The following CDK11B variants were observed in gnomAD, a reference collection of about 807,000 sequenced individuals.
CDK11B encodes the protein cyclin dependent kinase 11B.
A neutral mutation model predicts 84.0 loss-of-function variants in CDK11B; 37 were observed. That is an observed-to-expected ratio of 0.44 (90% confidence interval 0.34 to 0.58). The LOEUF is 0.58. Among genes scored for constraint, CDK11B ranks in the 20% least tolerant of loss-of-function variants. The pLI is 0.02. For missense variants in CDK11B, 427 were observed against 834.0 expected (o/e 0.51, Z 6.01); for synonymous variants, 269 against 309.8 (o/e 0.87, Z 1.38).
At chr1:1,639,193 G>A (rs944370296) in intron 11 of CDK11B, among the ~76,000 whole-genome samples, 4 of 151,630 alleles carry the variant, frequency 2.6e-5, no homozygotes, top group African/African-American at 7.3e-5. Context: ...CCACCGCCTC[G>A]GCCTCCAAAA....
In CDK11B at chr1:1,636,399, G is replaced by C. The variant is rs771754680; in HGVS notation, c.2000C>G (p.Pro667Arg). Residue 667 changes from proline (P) to arginine (R), a missense_variant, in exon 18 of 20, where the codon CCC (proline) becomes CGC (arginine). Pro to Arg is a moderately radical substitution (Grantham distance 103). This residue lies in a region of CDK11B where 170 missense variants were observed against 196.0 expected (regional missense o/e 0.87). Coordinates refer to ENST00000341832, the MANE Select transcript of CDK11B (RefSeq NM_033486.3). ...GAAGCGCTTGCGGAGGTTGTTGTAG[G>C]GGTGCTCGCTGAAGGTCATCTTCTT... ...AVKKMTFSEHPYNNLRKRFGA... is the reference protein window; with the variant it reads ...AVKKMTFSEHRYNNLRKRFGA... 6.2e-7 allele frequency: 1 copy of C among 1,610,800 alleles called. No homozygotes were observed. Among genetic ancestry groups the C allele is most frequent in the South Asian group, 1.1e-5 (1 of 90,526 alleles).
intron 3 of CDK11B, among the ~76,000 whole-genome samples, chr1:1,654,405 G>A (rs185824561): frequency 3.3e-5 from 5 of 152,226 alleles, no homozygotes; most frequent in East Asian, 3.9e-4. Flanking sequence ...ACCATGAGGG[G>A]CACCTGCTAT....
intron 18 of CDK11B, 45 bp downstream of exon 18, chr1:1,636,288 C>T (rs1325831468): frequency 1.8e-5 from 28 of 1,525,848 alleles, no homozygotes; most frequent in African/African-American, 1.8e-4. Context: ...GGGAAGTCAC[C>T]GCTATGGCTC....
At chr1:1,639,774 C>T (rs1639979799) in intron 11 of CDK11B, among the ~76,000 whole-genome samples, 1 of 152,212 alleles carries the variant, frequency 6.6e-6, no homozygotes, top group African/African-American at 2.4e-5. Context: ...GGCACCTTCT[C>T]AGGCTTGTCC....
chr1:1,636,839 C>T (rs746070299), intron 16 of CDK11B, 41 bp from the exon 17 acceptor site: 23 of 1,613,036 alleles, frequency 1.4e-5, no homozygotes, highest in African/African-American at 9.3e-5. Context: ...CCAGTGCCCG[C>T]GAAGCTGTGG....
intron 3 of CDK11B, 60 bp downstream of exon 3, chr1:1,655,309 A>T: frequency 6.4e-7 from 1 of 1,570,966 alleles, no homozygotes; most frequent in Non-Finnish European, 8.7e-7. Context: ...GACCCTAGGA[A>T]GGACCGGCCA....
chr1:1,637,543 C>A (rs1261306885), intron 13 of CDK11B, 30 bp from the exon 14 acceptor site: 2 of 1,610,418 alleles, frequency 1.2e-6, no homozygotes, highest in Non-Finnish European at 1.7e-6. Flanking sequence ...GGGTGCTGGG[C>A]ACCTCCAGGC....
At position 1,658,460 on chromosome 1, in the gene CDK11B, T is replaced by C. The variant is rs1419365270; in HGVS notation, c.-14+454A>G. Among the ~76,000 whole-genome samples the C allele has an allele frequency of 5.4e-5, 8 of 149,048 alleles. No individual in the cohort carries two copies. The East Asian group carries it at 9.9e-4, about 18-fold the overall frequency. On this transcript the variant is annotated intron_variant, in intron 1 of 19. Transcript: ENST00000341832. ...AACCAGAATAACAACACCTACGTGA[T>C]AGTATCGATCGCGGATTAAAGATCA...
chr1:1,649,670 C>T, intron 4 of CDK11B, 33 bp from the exon 5 acceptor site: 1 of 1,605,698 alleles, frequency 6.2e-7, no homozygotes, highest in Admixed American at 1.7e-5. Context: ...GCAAAGAAAC[C>T]TCACTTCAAA....
At chr1:1,647,828 C>T (rs1167602150) in intron 5 of CDK11B, among the ~76,000 whole-genome samples, 3 of 152,188 alleles carry the variant, frequency 2.0e-5, no homozygotes, top group East Asian at 1.9e-4. Flanking sequence ...GGCCACTGCC[C>T]ACTGCTCTAA....
chr1:1,637,606 C>T (rs151157623), intron 13 of CDK11B, 93 bp from the exon 14 acceptor site: 42,525 of 1,607,934 alleles, frequency 0.026, 757 homozygotes, highest in Middle Eastern at 0.057. Context: ...TAAGGACCTC[C>T]GGTGCCACCC....
chr1:1,657,862 G>A (rs1326879171), intron 1 of CDK11B, among the ~76,000 whole-genome samples: 2 of 120,180 alleles, frequency 1.7e-5, no homozygotes, highest in African/African-American at 3.6e-5. Context: ...CCAAGACTGC[G>A]CCACTGCACT....
In CDK11B at chr1:1,640,220, T is replaced by C. The variant is rs1640057722; in HGVS notation, c.1251+57A>G. On this transcript the variant is annotated intron_variant, in intron 11 of 19. Transcript: ENST00000341832. ...CGGGGGCCAGGCTTCGCTCAGCCCC[T>C]GTGGTAACTCCGACTGCCAATGCGG... 4.4e-6 allele frequency: 7 copies of C among 1,595,092 alleles called. No homozygotes were observed. In the South Asian group the frequency reaches 5.6e-5, roughly 13 times the overall value.
Position 1,656,818 on chromosome 1 carries a change from C to T in CDK11B, c.111+557G>A, listed in dbSNP as rs1430856215. 3.3e-5 allele frequency among the ~76,000 whole-genome samples: 5 copies of T among 152,110 alleles called. No homozygotes were observed. The East Asian group carries it at 9.6e-4, about 29-fold the overall frequency. ...TGCTCAATGCAGAGTTGCTACAAAC[C>T]TTTAATTTGGAAAAATTTCAATATC... On this transcript the variant is annotated intron_variant, in intron 2 of 19. Transcript: ENST00000341832.
chr1:1,653,852 A>ACACACG (rs1265302875), intron 3 of CDK11B, among the ~76,000 whole-genome samples: 1 of 150,276 alleles, frequency 6.7e-6, no homozygotes, highest in African/African-American at 2.5e-5. Context: ...ACACACACAC[A>ACACACG]CACACACACA....
At chr1:1,647,153 T>G (rs1438466914) in intron 5 of CDK11B, among the ~76,000 whole-genome samples, 2 of 152,200 alleles carry the variant, frequency 1.3e-5, no homozygotes, top group Non-Finnish European at 1.5e-5. Flanking sequence ...ATTTTTCTTG[T>G]TTTTTTCTCT....
At chr1:1,638,074 C>T (rs927373130) in intron 12 of CDK11B, among the ~76,000 whole-genome samples, 191 bp from the exon 13 acceptor site, 1 of 152,196 alleles carries the variant, frequency 6.6e-6, no homozygotes, top group African/African-American at 2.4e-5. Context: ...CCCACGGCTT[C>T]CCACTCAACA....
intron 10 of CDK11B, 55 bp downstream of exon 10, chr1:1,640,993 C>A (rs1410943756): frequency 3.8e-6 from 6 of 1,591,382 alleles, no homozygotes; most frequent in Non-Finnish European, 5.1e-6. Context: ...TAGGAGAGGG[C>A]TGCTGCACTC....
chr1:1,641,433 C>T (rs533938729), intron 9 of CDK11B, among the ~76,000 whole-genome samples: 10 of 147,164 alleles, frequency 6.8e-5, no homozygotes, highest in African/African-American at 1.7e-4. Flanking sequence ...CACTTGAACC[C>T]GGGAGGCAGA....
Sources: gnomAD v4.1 joint callset for allele counts (sites outside exome capture counted in the v4.1 genomes callset) on GRCh38, gnomAD v4.1.1 for gene constraint, gnomAD v4.1.1 regional missense constraint, MANE v1.5 for transcripts, NCBI Gene and HGNC (gene_info 2026-07-23, HGNC 2026-07-21) for gene names.